The following CNTNAP5 variants were observed in gnomAD, a reference collection of about 807,000 sequenced individuals.
CNTNAP5 encodes the protein contactin associated protein family member 5.
CNTNAP5 carries 72 observed loss-of-function variants against 150.2 expected under a neutral mutation model. The observed-to-expected ratio is 0.48, with a 90% CI of 0.40 to 0.58. CNTNAP5 has a LOEUF of 0.58. CNTNAP5 is among the 20% of genes least tolerant of loss of function. The pLI is 0.00. For missense variants in CNTNAP5, 1,636 were observed against 1,626.2 expected, an observed-to-expected ratio of 1.01 and a Z score of -0.10; for synonymous variants, 672 against 619.8, an observed-to-expected ratio of 1.08 and a Z score of -1.25.
chr2:124,090,624 T>C (rs556488572), intron 1 of CNTNAP5, among the ~76,000 whole-genome samples: 5 of 152,242 alleles, frequency 3.3e-5, no homozygotes, highest in Admixed American at 1.3e-4. Context: ...TATAAGACAA[T>C]GGGATTGGAG....
chr2:124,835,997 G>A (rs1423009271), intron 19 of CNTNAP5, among the ~76,000 whole-genome samples: 1 of 152,086 alleles, frequency 6.6e-6, no homozygotes, highest in African/African-American at 2.4e-5. Flanking sequence ...AAATATCAGA[G>A]AGAGAGAGAA....
chr2:124,537,285 CA>C (rs1230071992), intron 10 of CNTNAP5, among the ~76,000 whole-genome samples: 1 of 152,140 alleles, frequency 6.6e-6, no homozygotes, highest in Non-Finnish European at 1.5e-5. Context: ...AGGTGCCCCA[CA>C]TTCTTCGGCA....
intron 11 of CNTNAP5, among the ~76,000 whole-genome samples, chr2:124,594,689 T>C (rs973729249): frequency 1.4e-5 from 2 of 142,000 alleles, no homozygotes; most frequent in Admixed American, 7.4e-5. Context: ...CATTGGTAGC[T>C]TGATGGCAAT....
At chr2:124,481,642 T>C (rs751865974) in intron 7 of CNTNAP5, among the ~76,000 whole-genome samples, 12 of 152,206 alleles carry the variant, frequency 7.9e-5, no homozygotes, top group Non-Finnish European at 1.6e-4. Context: ...CACAGTTTAT[T>C]GACAATTTTA....
At chr2:124,195,952 C>T (rs1011840184) in intron 1 of CNTNAP5, among the ~76,000 whole-genome samples, 15 of 152,170 alleles carry the variant, frequency 9.9e-5, no homozygotes, top group Non-Finnish European at 2.1e-4. Context: ...GTATGAAGCG[C>T]GGGCCTCTGA....
rs374082145 is a variant in CNTNAP5 at position 124,361,003 on chromosome 2, C to G, written c.382-56440C>G. On this transcript the variant is annotated intron_variant, in intron 3 of 23. Coordinates refer to ENST00000682447, the MANE Select transcript of CNTNAP5 (RefSeq NM_001367498.1). The stretch of plus-strand genomic sequence containing the variant: ...TCCCATATTTCTTGGAGGCTTTGCT[C>G]ATTTCTTTTTATTCTTTTTTCTCTA... Among the ~76,000 whole-genome samples the G allele has an allele frequency of 1.2e-3, 157 of 128,238 alleles. 4 individuals carry two copies. Among genetic ancestry groups the G allele is most frequent in the African/African-American group, 4.7e-3 (154 of 32,558 alleles). 84.1% of individuals were successfully genotyped at this position (128,238 alleles called of 152,430 possible). A position where few individuals can be genotyped will look rare whatever the true frequency, so the allele number is the denominator to read the frequency against.
intron 7 of CNTNAP5, among the ~76,000 whole-genome samples, chr2:124,488,601 C>T (rs1693945845): frequency 2.0e-5 from 3 of 152,034 alleles, no homozygotes; most frequent in Middle Eastern, 3.4e-3. Context: ...AAATGGTGAT[C>T]GATAAATGTT....
At chr2:124,503,244 T>C (rs976537065) in intron 7 of CNTNAP5, among the ~76,000 whole-genome samples, 1 of 152,234 alleles carries the variant, frequency 6.6e-6, no homozygotes, top group African/African-American at 2.4e-5. Flanking sequence ...TGGGGACTGC[T>C]ATTCATTTTC....
chr2:124,189,950 G>A (rs1056566769), intron 1 of CNTNAP5, among the ~76,000 whole-genome samples: 2 of 152,132 alleles, frequency 1.3e-5, no homozygotes. Context: ...CCTCCCAAGT[G>A]GGCTTTGAAC....
intron 5 of CNTNAP5, among the ~76,000 whole-genome samples, chr2:124,440,820 T>C (rs556929374): frequency 6.6e-6 from 1 of 152,264 alleles, no homozygotes; most frequent in South Asian, 2.1e-4. Flanking sequence ...ATTGTTTTTG[T>C]CCTTCACAAT....
intron 10 of CNTNAP5, among the ~76,000 whole-genome samples, chr2:124,562,768 A>G (rs976906331): frequency 6.6e-6 from 1 of 152,240 alleles, no homozygotes; most frequent in Non-Finnish European, 1.5e-5. Flanking sequence ...AGTTTAAAAT[A>G]GATACCTGGT....
At chr2:124,316,586 A>G (rs1237151617) in intron 3 of CNTNAP5, among the ~76,000 whole-genome samples, 1 of 152,008 alleles carries the variant, frequency 6.6e-6, no homozygotes, top group Non-Finnish European at 1.5e-5. Context: ...CAGGCAGATC[A>G]TGAGGTCAGG....
intron 1 of CNTNAP5, among the ~76,000 whole-genome samples, chr2:124,043,769 C>T (rs1169595975): frequency 1.3e-5 from 2 of 152,024 alleles, no homozygotes; most frequent in Admixed American, 6.6e-5. Context: ...ATGAAAGTAC[C>T]AAAAAATTGT....
At chr2:124,247,286 C>G (rs1350871376) in intron 3 of CNTNAP5, among the ~76,000 whole-genome samples, 1 of 151,932 alleles carries the variant, frequency 6.6e-6, no homozygotes, top group African/African-American at 2.4e-5. Context: ...CTTTTAAGCT[C>G]TCATTATATG....
intron 19 of CNTNAP5, among the ~76,000 whole-genome samples, chr2:124,811,871 G>A (rs1029021350): frequency 6.9e-6 from 1 of 145,284 alleles, no homozygotes; most frequent in African/African-American, 2.6e-5. Flanking sequence ...GAACCCGGGA[G>A]GCAGAGGTTG....
chr2:124,713,299 TTCTTCTTTC>T (rs1679862564), intron 13 of CNTNAP5, among the ~76,000 whole-genome samples: 28 of 123,550 alleles, frequency 2.3e-4, no homozygotes, highest in Admixed American at 7.9e-4. Flanking sequence ...CTTTCTTTCT[TTCTTCTTTC>T]TCTTTCTTTC....
At chr2:124,272,913 A>T (rs1687796329) in intron 3 of CNTNAP5, among the ~76,000 whole-genome samples, 1 of 152,228 alleles carries the variant, frequency 6.6e-6, no homozygotes, top group South Asian at 2.1e-4. Context: ...ACTATGTCTA[A>T]CTATTGGATG....
chr2:124,104,990 C>T (rs1334723121), intron 1 of CNTNAP5, among the ~76,000 whole-genome samples: 7 of 149,260 alleles, frequency 4.7e-5, no homozygotes, highest in African/African-American at 9.7e-5. Flanking sequence ...TCCCCTCCCT[C>T]GGACCAACCA....
chr2:124,693,211 C>T (rs1354220162), intron 13 of CNTNAP5, among the ~76,000 whole-genome samples: 2 of 151,890 alleles, frequency 1.3e-5, no homozygotes, highest in Non-Finnish European at 2.9e-5. Context: ...AAAGTGTGGA[C>T]AAAAATGGAA....
Sources: allele counts gnomAD v4.1 joint callset (sites outside exome capture counted in the v4.1 genomes callset), GRCh38; gene constraint gnomAD v4.1.1; transcripts MANE v1.5; gene names NCBI Gene and HGNC (gene_info 2026-07-23, HGNC 2026-07-21).